The following RAPGEF3 variants were observed in gnomAD, a reference collection of about 807,000 sequenced individuals.
RAPGEF3 encodes Rap guanine nucleotide exchange factor 3, also known as 9330170P05Rik.
Under a neutral mutation model 129.8 loss-of-function variants are expected in RAPGEF3, and 103 were observed. The observed-to-expected ratio is 0.79, with a 90% confidence interval of 0.68 to 0.93. The LOEUF (loss-of-function observed/expected upper bound fraction) is 0.93. RAPGEF3 is among the 40% of genes least tolerant of loss of function. The pLI is 0.00. For missense variants in RAPGEF3, 1,117 were observed against 1,207.4 expected (o/e 0.93, Z 1.11); for synonymous variants, 436 against 482.6 (o/e 0.90, Z 1.26).
chr12:47,743,681 AGAG>A lies in RAPGEF3; in HGVS notation c.1679-8_1679-6del. 2 of 1,603,674 alleles carry A rather than the reference AGAG, an allele frequency of 1.2e-6. No individual in the cohort carries two copies. Among genetic ancestry groups the A allele is most frequent in the Non-Finnish European group, 1.7e-6 (2 of 1,171,642 alleles). The stretch of plus-strand genomic sequence containing the variant: ...GCCGGCAGATGTCATAGGGGACTGA[AGAG>A]GAGACCAGACTGAGCTGTGGGAAGG... On this transcript the variant is annotated splice_region_variant and splice_polypyrimidine_tract_variant and intron_variant, in intron 17 of 27. Transcript: ENST00000449771.
At chr12:47,756,264 T>G (rs1347215697) in intron 2 of RAPGEF3, 1 of 152,232 alleles carries the variant, frequency 6.6e-6, no homozygotes, top group Non-Finnish European at 1.5e-5. Flanking sequence ...TCCAGTGACC[T>G]ATTGTCCTGG....
chr12:47,737,684 G>T lies in RAPGEF3; in HGVS notation c.2655C>A (p.Cys885Ter), dbSNP rs146714167. The change falls in exon 28 of 28, where the codon TGC becomes TGA. Residue 885 changes from cysteine to a stop codon, truncating the protein, a stop_gained and splice_region_variant. Transcript: ENST00000449771. LOFTEE classifies it high-confidence loss of function. The part of the protein sequence containing the change: ...EDSQVARIST[C>*]SEQSLSTRSP... ...TCCGGGTGCTCAGGGACTGCTCCGA[G>T]CCTGGTGGAGGAGAGTAGTCAGGGA... The T allele has an allele frequency of 1.2e-6, 2 of 1,612,836 alleles. No individual in the cohort carries two copies. Among genetic ancestry groups the T allele is most frequent in the Non-Finnish European group, 1.7e-6 (2 of 1,179,632 alleles).
At chr12:47,750,496 C>T in intron 6 of RAPGEF3, 71 bp from the exon 7 acceptor site, 1 of 1,390,840 alleles carries the variant, frequency 7.2e-7, no homozygotes, top group Admixed American at 2.0e-5. Flanking sequence ...CCACTCCACC[C>T]ACCCAGCCGA....
chr12:47,750,543 T>A, intron 6 of RAPGEF3, 118 bp from the exon 7 acceptor site: 1 of 851,270 alleles, frequency 1.2e-6, no homozygotes, highest in Non-Finnish European at 1.9e-6. Flanking sequence ...GTGACAGTTA[T>A]CAGCAGCAGC....
At chr12:47,737,939 T>G (rs1361830598) in intron 27 of RAPGEF3, 83 bp downstream of exon 27, 1 of 1,521,120 alleles carries the variant, frequency 6.6e-7, no homozygotes, top group Admixed American at 1.7e-5. Context: ...GCCTGGCACA[T>G]GGCAAGTGCC....
Position 47,737,684 on chromosome 12 carries a change from G to A in RAPGEF3, c.2655C>T (p.Cys885=), listed in dbSNP as rs146714167. The A allele has an allele frequency of 8.6e-4, 1,394 of 1,612,954 alleles. 1 individual carries two copies. Among genetic ancestry groups the A allele is most frequent in the Admixed American group, 1.5e-3 (90 of 59,990 alleles). ...EDSQVARIST[C]SEQSLSTRSP... The stretch of plus-strand genomic sequence containing the variant: ...TCCGGGTGCTCAGGGACTGCTCCGA[G>A]CCTGGTGGAGGAGAGTAGTCAGGGA... The change falls in exon 28 of 28, where the codon TGC becomes TGT. Residue 885 remains cysteine, a splice_region_variant and synonymous_variant. Transcript: ENST00000449771.
At chr12:47,758,480 AC>A in intron 1 of RAPGEF3, 70 bp downstream of exon 1, 1 of 1,581,280 alleles carries the variant, frequency 6.3e-7, no homozygotes, top group South Asian at 1.1e-5. Context: ...TCCCACCCAA[AC>A]TCCCCACCGT....
At position 47,758,780 on chromosome 12, in the gene RAPGEF3, G is replaced by C. The variant is rs1942259157; in HGVS notation, c.-224C>G. ...GAGTAGAGGGGTGGGGGCGTGGTGG[G>C]GGGACGCCACCCAGCCACCGGCGAC... On this transcript the variant is annotated 5_prime_UTR_variant, in exon 1 of 28. Transcript: ENST00000449771. 8.1e-7 allele frequency: 1 copy of C among 1,231,204 alleles called. No homozygotes were observed. The highest frequency in any genetic ancestry group is 1.0e-6 in the Non-Finnish European group (1 of 985,306). 76.3% of individuals were successfully genotyped at this position (1,231,204 alleles called of 1,614,324 possible). A position where few individuals can be genotyped will look rare whatever the true frequency, so the allele number is the denominator to read the frequency against.
At position 47,743,912 on chromosome 12, in the gene RAPGEF3, C is replaced by T. The variant is rs528546000; in HGVS notation, c.1678+75G>A. 8 of 1,487,138 alleles carry T rather than the reference C, an allele frequency of 5.4e-6. No homozygotes were observed. In the East Asian group the frequency reaches 6.9e-5, roughly 13 times the overall value. 92.1% of individuals were successfully genotyped at this position (1,487,138 alleles called of 1,614,324 possible). On this transcript the variant is annotated intron_variant, in intron 17 of 27. Transcript: ENST00000449771. ...CCAGGCACACCGAGGTCAAGAGTGA[C>T]GACAGCAGGACAAGAGAGGCAGAGA...
chr12:47,739,936 C>A, intron 23 of RAPGEF3: 1 of 636,836 alleles, frequency 1.6e-6, no homozygotes, highest in South Asian at 1.8e-5. Flanking sequence ...CGTGCAACCC[C>A]TATCCTAGTG....
intron 6 of RAPGEF3, 108 bp from the exon 7 acceptor site, chr12:47,750,533 G>T: frequency 1.0e-6 from 1 of 957,062 alleles, no homozygotes; most frequent in Non-Finnish European, 1.6e-6. Context: ...TGCCTCAGCA[G>T]TGACAGTTAT....
Position 47,738,174 on chromosome 12 carries a change from C to T in RAPGEF3, c.2581+19G>A, listed in dbSNP as rs545429211. On this transcript the variant is annotated intron_variant, in intron 26 of 27. Coordinates refer to ENST00000449771, the MANE Select transcript of RAPGEF3 (RefSeq NM_001098531.4). ...ATGTAGGGTGGGGGACCTCCCACCC[C>T]GGGGACCCGCCCTCTCACCAGGGTT... 1.4e-5 allele frequency: 22 copies of T among 1,613,794 alleles called. No homozygotes were observed. The highest frequency in any genetic ancestry group is 1.7e-4 in the Middle Eastern group (1 of 5,864).
rs1245833775 is a variant in RAPGEF3 at position 47,750,967 on chromosome 12, C to G, written c.671+81G>C. 4 of 1,535,544 alleles carry G rather than the reference C, an allele frequency of 2.6e-6. No homozygotes were observed. In the East Asian group the frequency reaches 9.7e-5, roughly 37 times the overall value. ...CCCTCCACAACAGGTAAGGGATGCC[C>G]CCAGAGATCAATCTGAGAAACCGTG... On this transcript the variant is annotated intron_variant, in intron 6 of 27. Transcript: ENST00000449771.
At chr12:47,754,016 C>G (rs1047034503) in intron 2 of RAPGEF3, 7 of 152,248 alleles carry the variant, frequency 4.6e-5, no homozygotes, top group African/African-American at 1.4e-4. Flanking sequence ...GATCACACAA[C>G]TATTTAGAAA....
In RAPGEF3 at chr12:47,749,104, A is replaced by T. The variant is rs534912791; in HGVS notation, c.1042-173T>A. 90 of 652,258 alleles carry T rather than the reference A, an allele frequency of 1.4e-4. No homozygotes were observed. The East Asian group carries it at 2.4e-3, about 17-fold the overall frequency. 40.4% of individuals were successfully genotyped at this position (652,258 alleles called of 1,614,324 possible). On this transcript the variant is annotated intron_variant, in intron 10 of 27. Coordinates refer to ENST00000449771, the MANE Select transcript of RAPGEF3 (RefSeq NM_001098531.4). This position sits in a 1 kb window ranked among gnomAD's most constrained non-coding sequence, Gnocchi z 4.5. ...CCTCAGCCTTCCCTACCTTCCATGC[A>T]TCCTGCCTCCCCCACAGCCTAGTCC...
In RAPGEF3 at chr12:47,735,127, C is replaced by T. The variant is rs113398496; in HGVS notation, c.*2440G>A. 4,539 of 152,326 alleles carry T rather than the reference C, an allele frequency of 0.03. 214 individuals are homozygous for T. The highest frequency in any genetic ancestry group is 0.1 in the African/African-American group (4,266 of 41,500). The allele number at this position is 152,326 out of a possible 1,614,324, so 9.4% of individuals were successfully genotyped here. On this transcript the variant is annotated 3_prime_UTR_variant, in exon 28 of 28. Transcript: ENST00000449771. ...CCTGTCCTGCCCGGTAGGACACACA[C>T]GCAGCCATTCCTCTCTGCTTGACCT...
rs1940829820 is a variant in RAPGEF3, at chr12:47,737,162, CAT to C, written c.*403_*404del. The C allele has an allele frequency of 4.1e-6, 1 of 241,346 alleles. No individual in the cohort carries two copies. The highest frequency in any genetic ancestry group is 8.1e-6 in the Non-Finnish European group (1 of 122,756). The allele number at this position is 241,346 out of a possible 1,614,324, so 15.0% of individuals were successfully genotyped here. A position where few individuals can be genotyped will look rare whatever the true frequency, so the allele number is the denominator to read the frequency against. ...CTGCCCTTGCCACACACGGTACACA[CAT>C]GCAGCCTCTCTCTCTCTCTCTGTCC... On this transcript the variant is annotated 3_prime_UTR_variant, in exon 28 of 28. Transcript: ENST00000449771.
intron 5 of RAPGEF3, 36 bp downstream of exon 5, chr12:47,751,363 C>A: frequency 6.2e-7 from 1 of 1,612,362 alleles, no homozygotes; most frequent in Non-Finnish European, 8.5e-7. Flanking sequence ...ACTGCCCAGC[C>A]CAGCCCGGGG....
rs1940810412 is a variant in RAPGEF3 at position 47,736,670 on chromosome 12, C to G, written c.*897G>C. 1 of 152,318 alleles carries G rather than the reference C, an allele frequency of 6.6e-6. No individual in the cohort carries two copies. Among genetic ancestry groups the G allele is most frequent in the African/African-American group, 2.4e-5 (1 of 41,468 alleles). The allele number at this position is 152,318 out of a possible 1,614,324, so 9.4% of individuals were successfully genotyped here. A position where few individuals can be genotyped will look rare whatever the true frequency, so the allele number is the denominator to read the frequency against. ...TCAGCATTGTTTCTATCACAAGCCA[C>G]CCCCAGAAGACCCCAGAAGCCTGGC... On this transcript the variant is annotated 3_prime_UTR_variant, in exon 28 of 28. Coordinates refer to ENST00000449771, the MANE Select transcript of RAPGEF3 (RefSeq NM_001098531.4).
Sources: gnomAD v4.1 joint callset for allele counts on GRCh38, gnomAD v4.1.1 for gene constraint, Gnocchi (gnomAD v3.1) non-coding constraint, MANE v1.5 for transcripts, NCBI Gene and HGNC (gene_info 2026-07-23, HGNC 2026-07-21) for gene names.